The following TRAPPC9 variants were observed in gnomAD, a reference collection of about 807,000 sequenced individuals.
The protein encoded by TRAPPC9 is trafficking protein particle complex subunit 9, also known as IKK2 binding protein.
Under a neutral mutation model 124.0 loss-of-function variants are expected in TRAPPC9, and 83 were observed. The ratio of observed to expected loss-of-function variants is 0.67; its 90% CI spans 0.56 to 0.80. TRAPPC9 has a LOEUF of 0.80. Ranked by LOEUF, TRAPPC9 falls within the 30% of genes least tolerant of loss-of-function variation. TRAPPC9 has a pLI of 0.00. For synonymous variants in TRAPPC9, 638 were observed against 617.5 expected (o/e 1.03, Z -0.49); for missense variants, 1,302 against 1,508.3 (o/e 0.86, Z 2.27).
In TRAPPC9 at chr8:140,309,059, A is replaced by C. The variant is rs147021772; in HGVS notation, c.1622+2189T>G. On this transcript the variant is annotated intron_variant, in intron 10 of 22. Transcript: ENST00000438773. Reference sequence around the variant, plus strand: ...AAGGGACGCGCACAGAAGGTTCGGAAAACAGCACTTGCCCAAACGGTAGAC... The same window carrying C: ...AAGGGACGCGCACAGAAGGTTCGGACAACAGCACTTGCCCAAACGGTAGAC... Among the ~76,000 whole-genome samples the C allele has an allele frequency of 1.9e-3, 296 of 152,268 alleles. 2 individuals are homozygous for C. Among genetic ancestry groups the C allele is most frequent in the African/African-American group, 6.9e-3 (285 of 41,544 alleles).
intron 21 of TRAPPC9, among the ~76,000 whole-genome samples, chr8:139,732,953 C>T (rs975888076): frequency 1.3e-5 from 2 of 152,078 alleles, no homozygotes; most frequent in Non-Finnish European, 2.9e-5. Context: ...CGCCTCCTAA[C>T]TGGGCAGCAG....
chr8:140,138,551 G>C (rs754200792), intron 17 of TRAPPC9, among the ~76,000 whole-genome samples: 5 of 152,040 alleles, frequency 3.3e-5, no homozygotes, highest in Admixed American at 3.3e-4. Flanking sequence ...CCCTCTATGT[G>C]CTTGCTGGAA....
At chr8:139,956,441 G>A (rs1245164147) in intron 19 of TRAPPC9, among the ~76,000 whole-genome samples, 1 of 152,134 alleles carries the variant, frequency 6.6e-6, no homozygotes, top group Non-Finnish European at 1.5e-5. Flanking sequence ...GATTACAGGC[G>A]TGAGCCACCG....
chr8:139,760,369 C>T (rs1194483520), intron 21 of TRAPPC9, among the ~76,000 whole-genome samples: 1 of 152,158 alleles, frequency 6.6e-6, no homozygotes, highest in East Asian at 1.9e-4. Context: ...AAGATGCGCT[C>T]TGCTTGGCCC....
chr8:140,101,106 CTT>C (rs981229275), intron 17 of TRAPPC9, among the ~76,000 whole-genome samples: 1 of 152,236 alleles, frequency 6.6e-6, no homozygotes, highest in African/African-American at 2.4e-5. Flanking sequence ...CACAAGCCAT[CTT>C]TTGGCCAGGC....
intron 17 of TRAPPC9, among the ~76,000 whole-genome samples, chr8:140,047,567 T>G (rs974224459): frequency 6.6e-6 from 1 of 151,956 alleles, no homozygotes; most frequent in African/African-American, 2.4e-5. Flanking sequence ...GGGACAAGAG[T>G]GGGCTGGCTG....
intron 21 of TRAPPC9, among the ~76,000 whole-genome samples, chr8:139,766,715 C>T (rs1384617432): frequency 2.0e-5 from 3 of 152,346 alleles, no homozygotes; most frequent in South Asian, 4.1e-4. Flanking sequence ...AAGGTCCCCG[C>T]TCCTGAGGTC....
At chr8:139,916,922 T>C (rs1051605472) in intron 19 of TRAPPC9, among the ~76,000 whole-genome samples, 2 of 152,232 alleles carry the variant, frequency 1.3e-5, no homozygotes, top group South Asian at 2.1e-4. Flanking sequence ...TGGTACATCA[T>C]ATGTGAATCG....
intron 17 of TRAPPC9, among the ~76,000 whole-genome samples, chr8:140,144,474 TC>T (rs1378942799): frequency 6.9e-6 from 1 of 144,830 alleles, no homozygotes; most frequent in Non-Finnish European, 1.6e-5. Context: ...TTTCATTCAT[TC>T]ATTCATTCAT....
chr8:140,171,724 G>C (rs572058122), intron 17 of TRAPPC9, among the ~76,000 whole-genome samples: 1 of 152,248 alleles, frequency 6.6e-6, no homozygotes, highest in South Asian at 2.1e-4. Context: ...CCCGTAGGAG[G>C]AAAAAATTGG....
chr8:139,878,748 T>C (rs568298893), intron 21 of TRAPPC9, among the ~76,000 whole-genome samples: 1 of 152,334 alleles, frequency 6.6e-6, no homozygotes, highest in Admixed American at 6.5e-5. Context: ...AAGGAACGCT[T>C]GAGGCCGGGA....
At chr8:139,945,902 G>A (rs539163477) in intron 19 of TRAPPC9, among the ~76,000 whole-genome samples, 1 of 152,342 alleles carries the variant, frequency 6.6e-6, no homozygotes, top group East Asian at 1.9e-4. Flanking sequence ...GGTGGATATA[G>A]TAATAGACAC....
At chr8:140,265,307 G>T (rs900154904) in intron 15 of TRAPPC9, among the ~76,000 whole-genome samples, 1 of 152,182 alleles carries the variant, frequency 6.6e-6, no homozygotes, top group Non-Finnish European at 1.5e-5. Flanking sequence ...GCTTATTTGT[G>T]TATTAAGTTC....
At chr8:140,219,509 GT>G (rs1386276105) in intron 17 of TRAPPC9, among the ~76,000 whole-genome samples, 1 of 152,158 alleles carries the variant, frequency 6.6e-6, no homozygotes, top group Non-Finnish European at 1.5e-5. Flanking sequence ...AAAGAATGCA[GT>G]TTCCACATCC....
At chr8:140,397,394 C>CAAACA (rs1554680511) in intron 7 of TRAPPC9, among the ~76,000 whole-genome samples, 5 of 151,622 alleles carry the variant, frequency 3.3e-5, no homozygotes, top group Admixed American at 6.6e-5. Context: ...AAAAAACAAA[C>CAAACA]AAAAAAAATG....
chr8:140,252,643 G>A lies in TRAPPC9; in HGVS notation c.2431+134C>T, dbSNP rs921224844. 5 of 995,076 alleles carry A rather than the reference G, an allele frequency of 5.0e-6. No homozygotes were observed. The highest frequency in any genetic ancestry group is 1.3e-5 in the South Asian group (1 of 75,176). The allele number at this position is 995,076 out of a possible 1,614,324, so 61.6% of individuals were successfully genotyped here. A position where few individuals can be genotyped will look rare whatever the true frequency, so the allele number is the denominator to read the frequency against. On this transcript the variant is annotated intron_variant, in intron 16 of 22. Transcript: ENST00000438773. This position sits in a 1 kb window ranked among gnomAD's most constrained non-coding sequence, Gnocchi z 4.2. ...CACACTCTGTTAACAAAGTGCCCAG[G>A]AGATGTCTCAGGCAGCTTGAGTTAA...
chr8:140,069,247 A>C (rs1843020324), intron 17 of TRAPPC9, among the ~76,000 whole-genome samples: 1 of 152,220 alleles, frequency 6.6e-6, no homozygotes, highest in Non-Finnish European at 1.5e-5. Context: ...GCAGTGGCGC[A>C]GAAACCTCAG....
At chr8:140,250,208 T>G (rs1173465198) in intron 16 of TRAPPC9, among the ~76,000 whole-genome samples, 2 of 152,154 alleles carry the variant, frequency 1.3e-5, no homozygotes, top group African/African-American at 4.8e-5. Flanking sequence ...TTACAAAGAT[T>G]AAATAGAAAT....
chr8:139,829,680 G>T (rs553655900), intron 21 of TRAPPC9, among the ~76,000 whole-genome samples: 2 of 152,322 alleles, frequency 1.3e-5, no homozygotes, highest in South Asian at 4.1e-4. Context: ...CAGTTTGCGG[G>T]GCTATGATCC....
Sources: gnomAD v4.1 joint callset for allele counts (sites outside exome capture counted in the v4.1 genomes callset) on GRCh38, gnomAD v4.1.1 for gene constraint, Gnocchi (gnomAD v3.1) non-coding constraint, MANE v1.5 for transcripts, NCBI Gene and HGNC (gene_info 2026-07-23, HGNC 2026-07-21) for gene names.